PARP15: variants seen among roughly 807,000 people sequenced by gnomAD.
PARP15 encodes poly(ADP-ribose) polymerase family member 15, also known as protein mono-ADP-ribosyltransferase PARP15.
A neutral mutation model predicts 62.1 loss-of-function variants in PARP15; 50 were observed. The observed-to-expected ratio is 0.81, with a 90% CI of 0.64 to 1.02. PARP15 has a LOEUF of 1.02. PARP15 is among the 50% of genes least tolerant of loss of function. PARP15 has a pLI of 0.00. For missense variants in PARP15, 820 were observed against 826.5 expected (o/e 0.99, Z 0.10); for synonymous variants, 309 against 293.1 (o/e 1.05, Z -0.55).
chr3:122,605,923 G>A lies in PARP15; in HGVS notation c.187-13G>A, dbSNP rs1274800234. The A allele has an allele frequency of 4.5e-6, 7 of 1,550,194 alleles. No homozygotes were observed. ...TTGGCATTGCTGGTAATGCTTTACT[G>A]TTTTCTCCACAGTCCAGAGACAACA... On this transcript the variant is annotated splice_polypyrimidine_tract_variant and intron_variant, in intron 1 of 11. Transcript: ENST00000464300.
In PARP15 at chr3:122,615,263, T is replaced by G. The variant is rs56777678; in HGVS notation, c.772-516T>G. ...CTTCAATGTCTGAGGTTTTCTAACGTGGATTTTCGTGTTTTCATTCAGGAG... is the reference window on the plus strand; with the variant it reads ...CTTCAATGTCTGAGGTTTTCTAACGGGGATTTTCGTGTTTTCATTCAGGAG... On this transcript the variant is annotated intron_variant, in intron 4 of 11. Transcript: ENST00000464300. 1,255 of 1,287,786 alleles carry G rather than the reference T, an allele frequency of 9.7e-4. 40 individuals carry two copies. In the East Asian group the frequency reaches 0.04, roughly 41 times the overall value. The allele number at this position is 1,287,786 out of a possible 1,614,324, so 79.8% of individuals were successfully genotyped here.
At chr3:122,601,035 G>GGTTTTTTTTTT (rs1559945135) in intron 1 of PARP15, among the ~76,000 whole-genome samples, 12 of 104,938 alleles carry the variant, frequency 1.1e-4, no homozygotes, top group African/African-American at 8.0e-4. Flanking sequence ...TGTCTTTTAT[G>GGTTTTTTTTTT]GTTTTTTTTT....
At chr3:122,594,534 G>T (rs1461349145) in intron 1 of PARP15, 4 of 982,518 alleles carry the variant, frequency 4.1e-6, no homozygotes, top group Non-Finnish European at 4.8e-6. Context: ...GTTAAAGATT[G>T]CTGTGTATTC....
intron 1 of PARP15, among the ~76,000 whole-genome samples, chr3:122,580,596 G>A (rs1300069033): frequency 1.3e-5 from 2 of 152,158 alleles, no homozygotes; most frequent in Admixed American, 1.3e-4. Flanking sequence ...TTGCAAAACT[G>A]AAACAGTATG....
intron 1 of PARP15, among the ~76,000 whole-genome samples, chr3:122,583,609 A>T (rs1259813603): frequency 6.6e-6 from 1 of 152,192 alleles, no homozygotes; most frequent in Non-Finnish European, 1.5e-5. Context: ...TCTGGGTTAC[A>T]GTTAAGTTAC....
intron 8 of PARP15, among the ~76,000 whole-genome samples, chr3:122,626,561 G>A (rs1397152237): frequency 6.6e-6 from 1 of 152,174 alleles, no homozygotes; most frequent in Non-Finnish European, 1.5e-5. Flanking sequence ...GATTTGGGCA[G>A]GGTTTATGTT....
rs1935501742 is a variant in PARP15, at chr3:122,610,699, A to G, written c.512A>G (p.Tyr171Cys). The G allele has an allele frequency of 6.5e-7, 1 of 1,539,328 alleles. No homozygotes were observed. The highest frequency in any genetic ancestry group is 8.8e-7 in the Non-Finnish European group (1 of 1,140,782). Residue 171 changes from tyrosine (Y) to cysteine (C), a missense_variant, in exon 3 of 12, where the codon TAC becomes TGC. This residue lies in a region of PARP15 where 731 missense variants were observed against 727.7 expected (regional missense o/e 1.00). Coordinates refer to ENST00000464300, the MANE Select transcript of PARP15 (RefSeq NM_001113523.3). Reference sequence around the variant, plus strand: ...GCTGTGCTCCATGCTGTGGCTCCATACTGGAATAATGGAGCAGAGACTTCT... The same window carrying G: ...GCTGTGCTCCATGCTGTGGCTCCATGCTGGAATAATGGAGCAGAGACTTCT... ...CKAVLHAVAP[Y>C]WNNGAETSWQ...
intron 4 of PARP15, 94 bp from the exon 5 acceptor site, chr3:122,615,685 T>C: frequency 6.3e-7 from 1 of 1,596,838 alleles, no homozygotes; most frequent in South Asian, 1.1e-5. Context: ...ACTATTGTTA[T>C]CAACTCTTTG....
intron 2 of PARP15, among the ~76,000 whole-genome samples, chr3:122,608,233 T>TTTTTTTTTTTTC (rs1553730643): frequency 1.4e-5 from 2 of 146,628 alleles, no homozygotes; most frequent in African/African-American, 5.2e-5. Context: ...TTTTTTTTTT[T>TTTTTTTTTTTTC]TGATACTGAG....
At chr3:122,608,633 C>G (rs960042902) in intron 2 of PARP15, among the ~76,000 whole-genome samples, 2 of 152,180 alleles carry the variant, frequency 1.3e-5, no homozygotes, top group Non-Finnish European at 2.9e-5. Context: ...TTCTTATCCC[C>G]TTTAAAAAGC....
chr3:122,593,690 GT>G (rs1934125468), intron 1 of PARP15, among the ~76,000 whole-genome samples: 1 of 151,988 alleles, frequency 6.6e-6, no homozygotes, highest in African/African-American at 2.4e-5. Context: ...GTTTTCTCTA[GT>G]GTTTTACTTT....
At chr3:122,600,759 T>C (rs1471978093) in intron 1 of PARP15, among the ~76,000 whole-genome samples, 2 of 152,010 alleles carry the variant, frequency 1.3e-5, no homozygotes, top group African/African-American at 4.8e-5. Context: ...GTTAGTATGT[T>C]TCTATTAGTA....
At chr3:122,635,245 A>C in intron 11 of PARP15, 51 bp downstream of exon 11, 3 of 1,557,016 alleles carry the variant, frequency 1.9e-6, no homozygotes, top group Non-Finnish European at 2.6e-6. Flanking sequence ...CAATAGTCTC[A>C]GACTTTTCAT....
intron 1 of PARP15, among the ~76,000 whole-genome samples, chr3:122,598,017 T>C (rs927129645): frequency 6.6e-6 from 1 of 152,220 alleles, no homozygotes; most frequent in Non-Finnish European, 1.5e-5. Context: ...TTAAAAAATA[T>C]TTTCAATCAA....
intron 1 of PARP15, among the ~76,000 whole-genome samples, chr3:122,597,672 C>A (rs1451985609): frequency 6.6e-6 from 1 of 152,034 alleles, no homozygotes; most frequent in Non-Finnish European, 1.5e-5. Flanking sequence ...AATTTTGTTG[C>A]AATATGTGCA....
Position 122,613,084 on chromosome 3 carries a change from T to G in PARP15, c.587T>G (p.Val196Gly), listed in dbSNP as rs771016755. 1 of 1,551,926 alleles carries G rather than the reference T, an allele frequency of 6.4e-7. No homozygotes were observed. The highest frequency in any genetic ancestry group is 1.2e-5 in the South Asian group (1 of 84,062). ...AAGAAATGTTTGACAACTGTAGAAG[T>G]GCTATCTTTCTCATCAATCACATTT... ...IIKKCLTTVE[V>G]LSFSSITFPM... Residue 196 changes from valine (V) to glycine (G), a missense_variant, in exon 4 of 12, where the codon GTG becomes GGG. Coordinates refer to ENST00000464300, the MANE Select transcript of PARP15 (RefSeq NM_001113523.3).
At chr3:122,621,976 T>G (rs1295122955) in intron 8 of PARP15, among the ~76,000 whole-genome samples, 1 of 152,206 alleles carries the variant, frequency 6.6e-6, no homozygotes, top group African/African-American at 2.4e-5. Flanking sequence ...TATTTGTATT[T>G]TTTATGGAGA....
At chr3:122,601,778 T>C (rs1425262391) in intron 1 of PARP15, among the ~76,000 whole-genome samples, 3 of 152,212 alleles carry the variant, frequency 2.0e-5, no homozygotes, top group Non-Finnish European at 4.4e-5. Flanking sequence ...TTTCAATTTA[T>C]TTGGGTAAAT....
intron 1 of PARP15, among the ~76,000 whole-genome samples, chr3:122,595,366 GTTC>G (rs1934254976): frequency 6.6e-6 from 1 of 151,186 alleles, no homozygotes; most frequent in South Asian, 2.1e-4. Context: ...CACCAAAGCT[GTTC>G]TTGTCAAAGT....
Sources: gnomAD v4.1 joint callset for allele counts (sites outside exome capture counted in the v4.1 genomes callset) on GRCh38, gnomAD v4.1.1 for gene constraint, gnomAD v4.1.1 regional missense constraint, MANE v1.5 for transcripts, NCBI Gene and HGNC (gene_info 2026-07-23, HGNC 2026-07-21) for gene names.